Variants in ANK2 observed in about 807,000 individuals in gnomAD.
ANK2 encodes the protein ankyrin 2.
ANK2 carries 83 observed loss-of-function variants against 360.5 expected under a neutral mutation model. That is an observed-to-expected ratio of 0.23 (90% CI 0.19 to 0.28). The LOEUF is 0.28. ANK2 is among the 10% of genes least tolerant of loss of function. ANK2 has a pLI of 1.00. For synonymous variants in ANK2, 1,740 were observed against 1,759.5 expected (o/e 0.99, Z 0.28); for missense variants, 4,201 against 4,795.7 (o/e 0.88, Z 3.66).
intron 2 of ANK2, among the ~76,000 whole-genome samples, chr4:113,002,522 T>C (rs904093456): frequency 2.4e-5 from 3 of 126,298 alleles, no homozygotes; most frequent in Non-Finnish European, 4.8e-5. Context: ...TGAGAACACA[T>C]GGACACAGGA....
chr4:113,328,581 C>G (rs1342074003), intron 26 of ANK2, among the ~76,000 whole-genome samples: 1 of 152,124 alleles, frequency 6.6e-6, no homozygotes, highest in Non-Finnish European at 1.5e-5. Flanking sequence ...TTGGTAAAGA[C>G]CAGAAACATC....
In ANK2 at chr4:113,310,947, A is replaced by G. The variant is rs111948838; in HGVS notation, c.2549-308A>G. ...TATGCCTGTGTTTTGATAAATCTAT[A>G]ATTAGAATTCATCTTAGAAGTTTTT... is the stretch of plus-strand genomic sequence containing the variant. On this transcript the variant is annotated intron_variant, in intron 23 of 45. Transcript: ENST00000357077. 3.5e-3 allele frequency among the ~76,000 whole-genome samples: 537 copies of G among 152,344 alleles called. 3 individuals carry two copies. The highest frequency in any genetic ancestry group is 0.012 in the African/African-American group (493 of 41,578).
intron 2 of ANK2, among the ~76,000 whole-genome samples, chr4:112,966,103 A>AT (rs1465497444): frequency 6.6e-6 from 1 of 151,798 alleles, no homozygotes; most frequent in Admixed American, 6.6e-5. Flanking sequence ...AACATCTTCA[A>AT]TTATAATAAT....
chr4:113,136,277 G>T (rs1182526302), intron 1 of ANK2, among the ~76,000 whole-genome samples: 1 of 152,134 alleles, frequency 6.6e-6, no homozygotes, highest in East Asian at 1.9e-4. Flanking sequence ...TAATCTTGTT[G>T]GCCAGGCAGG....
chr4:113,282,983 A>T, intron 18 of ANK2, 111 bp downstream of exon 18: 1 of 1,224,644 alleles, frequency 8.2e-7, no homozygotes, highest in South Asian at 1.3e-5. Context: ...AGAAACAGGG[A>T]TATCTTACAG....
chr4:113,061,902 A>G (rs1184997375), intron 1 of ANK2, among the ~76,000 whole-genome samples: 1 of 152,054 alleles, frequency 6.6e-6, no homozygotes, highest in East Asian at 1.9e-4. Context: ...AGTGATAGAT[A>G]CCCTGTTTAC....
chr4:113,132,200 T>G (rs2096082161), intron 1 of ANK2, among the ~76,000 whole-genome samples: 1 of 152,330 alleles, frequency 6.6e-6, no homozygotes, highest in East Asian at 1.9e-4. Context: ...TCCTTGGAAT[T>G]GTTATGATAT....
At chr4:113,320,553 G>T (rs2085538266) in intron 26 of ANK2, among the ~76,000 whole-genome samples, 1 of 152,120 alleles carries the variant, frequency 6.6e-6, no homozygotes, top group Non-Finnish European at 1.5e-5. Context: ...TACTCAGGAG[G>T]GTGAGGCAGA....
the ANK2 span, among the ~76,000 whole-genome samples, chr4:112,784,263 C>T: frequency 6.6e-6 from 1 of 151,280 alleles, no homozygotes; most frequent in Non-Finnish European, 1.5e-5. Context: ...TGGCTCACCA[C>T]AGCCTCGATC....
chr4:113,004,211 C>G (rs1045158313), intron 2 of ANK2, among the ~76,000 whole-genome samples: 1 of 152,092 alleles, frequency 6.6e-6, no homozygotes, highest in African/African-American at 2.4e-5. Flanking sequence ...CCTTAGCTTA[C>G]TGTAACTTTT....
At chr4:113,295,138 A>T (rs1478171210) in intron 22 of ANK2, among the ~76,000 whole-genome samples, 2 of 152,138 alleles carry the variant, frequency 1.3e-5, no homozygotes, top group Non-Finnish European at 2.9e-5. Flanking sequence ...CTTTGCTTCC[A>T]TTCATTTCAT....
At chr4:112,855,433 A>G (rs2066125189) in intron 1 of ANK2, among the ~76,000 whole-genome samples, 3 of 152,222 alleles carry the variant, frequency 2.0e-5, no homozygotes, top group Non-Finnish European at 4.4e-5. Flanking sequence ...CACTGACAAC[A>G]GGTTGCATAG....
intron 2 of ANK2, among the ~76,000 whole-genome samples, chr4:112,905,144 A>G (rs1029934980): frequency 2.0e-5 from 3 of 152,212 alleles, no homozygotes; most frequent in Admixed American, 2.0e-4. Context: ...AATCTCATCT[A>G]GAAGAATCCG....
At position 113,356,962 on chromosome 4, in the gene ANK2, C is replaced by T. The variant is rs2095824148; in HGVS notation, c.8344C>T (p.Pro2782Ser). 1 of 1,614,018 alleles carries T rather than the reference C, an allele frequency of 6.2e-7. No individual in the cohort carries two copies. Among genetic ancestry groups the T allele is most frequent in the Non-Finnish European group, 8.5e-7 (1 of 1,179,956 alleles). Residue 2782 changes from proline (P) to serine (S), a missense_variant, in exon 38 of 46, where the codon CCT (proline) becomes TCT (serine). Pro to Ser is a moderately conservative substitution (Grantham distance 74, BLOSUM62 -1). Transcript: ENST00000357077. The part of the protein sequence containing the change: ...CDGHGCEAMS[P>S]SSSAAPVSSG... ...TGGCCATGGATGTGAGGCCATGAGT[C>T]CTAGCAGCTCAGCTGCTCCTGTCTC...
chr4:112,974,637 C>A lies in ANK2; in HGVS notation c.21+70123C>A, dbSNP rs191533142. ...AGTGCTTTCTATGCATCAGGAAGTG[C>A]AAATGGATTATCTCCTTTATCCTCA... is the stretch of plus-strand genomic sequence containing the variant. On this transcript the variant is annotated intron_variant, in intron 2 of 30. Transcript: ENST00000503271. 2.6e-4 allele frequency among the ~76,000 whole-genome samples: 39 copies of A among 152,290 alleles called. No homozygotes were observed. In the East Asian group the frequency reaches 7.1e-3, roughly 28 times the overall value.
intron 2 of ANK2, among the ~76,000 whole-genome samples, chr4:113,005,809 G>GTCT (rs1182033284): frequency 6.6e-6 from 1 of 152,162 alleles, no homozygotes; most frequent in Non-Finnish European, 1.5e-5. Flanking sequence ...TCTTGGTGCT[G>GTCT]TCTTCACAGT....
chr4:112,964,886 T>G (rs1322364003), intron 2 of ANK2, among the ~76,000 whole-genome samples: 1 of 152,166 alleles, frequency 6.6e-6, no homozygotes, highest in Non-Finnish European at 1.5e-5. Context: ...ACATTTTCTT[T>G]GTCCATTAAT....
rs191094797 is a variant in ANK2 at position 113,280,443 on chromosome 4, C to T, written c.1881+1885C>T. Among the ~76,000 whole-genome samples the T allele has an allele frequency of 5.7e-3, 863 of 152,256 alleles. 1 individual carries two copies. The highest frequency in any genetic ancestry group is 9.6e-3 in the Non-Finnish European group (650 of 68,006). The stretch of plus-strand genomic sequence containing the variant: ...TAGGATGGGTATTCTGGGAATGCCT[C>T]TCTAGTGTCTTTCACTTATCTGCCC... On this transcript the variant is annotated intron_variant, in intron 17 of 45. Transcript: ENST00000357077.
At chr4:112,954,042 A>T (rs1203636920) in intron 2 of ANK2, among the ~76,000 whole-genome samples, 1 of 152,150 alleles carries the variant, frequency 6.6e-6, no homozygotes, top group African/African-American at 2.4e-5. Context: ...AAAATGCAGA[A>T]CTATTTCTAT....
Sources: allele counts gnomAD v4.1 joint callset (sites outside exome capture counted in the v4.1 genomes callset), GRCh38; gene constraint gnomAD v4.1.1; transcripts MANE v1.5; gene names NCBI Gene and HGNC (gene_info 2026-07-23, HGNC 2026-07-21).